The following RPH3A variants were observed in gnomAD, a reference collection of about 807,000 sequenced individuals.
RPH3A encodes rabphilin 3A.
In RPH3A, 48 loss-of-function variants were observed where a neutral mutation model predicts 102.2. The observed-to-expected ratio is 0.47, with a 90% confidence interval of 0.37 to 0.60. The LOEUF (loss-of-function observed/expected upper bound fraction) is 0.60, where lower values mean the gene tolerates loss of function less well. RPH3A is among the 20% of genes least tolerant of loss of function. RPH3A has a pLI of 0.00. For missense variants in RPH3A, 781 were observed against 910.1 expected (o/e 0.86, Z 1.83); for synonymous variants, 310 against 324.3 (o/e 0.96, Z 0.47).
chr12:112,780,327 T>A (rs1240790345), intron 1 of RPH3A, among the ~76,000 whole-genome samples: 1 of 152,126 alleles, frequency 6.6e-6, no homozygotes. Flanking sequence ...CCATGGGTAA[T>A]TTTTCAATCC....
intron 1 of RPH3A, among the ~76,000 whole-genome samples, chr12:112,692,075 A>G (rs1468749011): frequency 2.0e-5 from 3 of 152,264 alleles, no homozygotes; most frequent in Admixed American, 2.0e-4. Flanking sequence ...AGCCAGGAAC[A>G]GAAAGTTAAA....
At chr12:112,890,197 C>T (rs2043070011) in intron 18 of RPH3A, 117 bp downstream of exon 18, 3 of 915,278 alleles carry the variant, frequency 3.3e-6, no homozygotes, top group Non-Finnish European at 5.2e-6. Context: ...AACCACCCCC[C>T]TGTTGATTTG....
rs1449636112 is a variant in RPH3A, at chr12:112,876,635, C to G, written c.947-7C>G. ...GCTGCATGTTTCCTGTCCTTATCTC[C>G]CTGCAGAGGTGGCTCCGAGCGACCC... On this transcript the variant is annotated splice_region_variant and splice_polypyrimidine_tract_variant and intron_variant, in intron 12 of 21. Coordinates refer to ENST00000389385, the MANE Select transcript of RPH3A (RefSeq NM_001143854.2). 6.3e-7 allele frequency: 1 copy of G among 1,591,104 alleles called. No individual in the cohort carries two copies. The highest frequency in any genetic ancestry group is 1.3e-5 in the African/African-American group (1 of 74,268).
chr12:112,715,261 A>G (rs1171263509), intron 1 of RPH3A, among the ~76,000 whole-genome samples: 1 of 152,134 alleles, frequency 6.6e-6, no homozygotes, highest in African/African-American at 2.4e-5. Flanking sequence ...TTAGCTCTCT[A>G]CTGAAATGCC....
intron 2 of RPH3A, among the ~76,000 whole-genome samples, chr12:112,827,900 A>AT (rs1287504151): frequency 1.4e-4 from 10 of 71,934 alleles, no homozygotes; most frequent in African/African-American, 6.1e-4. Context: ...GTATAATAAA[A>AT]AAAAAAGGGA....
At chr12:112,581,305 T>C (rs2039399075) in intron 1 of RPH3A, among the ~76,000 whole-genome samples, 1 of 152,036 alleles carries the variant, frequency 6.6e-6, no homozygotes, top group African/African-American at 2.4e-5. Flanking sequence ...GCGAGGGAAC[T>C]CCCCTTTATA....
At chr12:112,740,726 T>G (rs569552990) in intron 1 of RPH3A, among the ~76,000 whole-genome samples, 3 of 152,356 alleles carry the variant, frequency 2.0e-5, no homozygotes, top group Admixed American at 2.0e-4. Context: ...CTTGCAGACA[T>G]GTAATTAACA....
At chr12:112,876,560 G>A (rs1381188583) in intron 12 of RPH3A, 82 bp from the exon 13 acceptor site, 13 of 996,812 alleles carry the variant, frequency 1.3e-5, no homozygotes, top group South Asian at 3.6e-5. Flanking sequence ...CCAGGAATCC[G>A]CATCTTTTGA....
chr12:112,875,216 C>A, intron 11 of RPH3A, 46 bp downstream of exon 11: 2 of 1,443,724 alleles, frequency 1.4e-6, no homozygotes, highest in Non-Finnish European at 1.9e-6. Context: ...TGTCACTCGG[C>A]TGTGACCCTC....
chr12:112,828,612 G>C (rs1311542328), intron 3 of RPH3A, among the ~76,000 whole-genome samples: 3 of 152,182 alleles, frequency 2.0e-5, no homozygotes, highest in African/African-American at 4.8e-5. Context: ...TAGGTGACCT[G>C]GTAGACTGGA....
chr12:112,664,755 G>A (rs1479015420), intron 1 of RPH3A, among the ~76,000 whole-genome samples: 1 of 152,064 alleles, frequency 6.6e-6, no homozygotes, highest in East Asian at 1.9e-4. Context: ...TCCCCTCTGC[G>A]CAACCTGATT....
intron 1 of RPH3A, among the ~76,000 whole-genome samples, chr12:112,633,942 A>T (rs2039826273): frequency 1.3e-5 from 2 of 152,184 alleles, no homozygotes; most frequent in Non-Finnish European, 2.9e-5. Context: ...TAATTTTCTG[A>T]TCATGAGATG....
chr12:112,587,747 G>A (rs1427490577), intron 1 of RPH3A, among the ~76,000 whole-genome samples: 3 of 152,142 alleles, frequency 2.0e-5, no homozygotes, highest in Non-Finnish European at 4.4e-5. Flanking sequence ...CTTGGTCATT[G>A]CTGAACCTGT....
At chr12:112,729,296 CCTAT>C (rs1019716771) in intron 1 of RPH3A, among the ~76,000 whole-genome samples, 1 of 152,108 alleles carries the variant, frequency 6.6e-6, no homozygotes, top group African/African-American at 2.4e-5. Flanking sequence ...CTGAAATCCT[CCTAT>C]CTCAGTCCCC....
chr12:112,863,939 T>G (rs1035413211), intron 5 of RPH3A, among the ~76,000 whole-genome samples: 3 of 152,204 alleles, frequency 2.0e-5, no homozygotes, highest in African/African-American at 7.2e-5. Context: ...GATCCAGCAC[T>G]GGGCACACAG....
intron 1 of RPH3A, among the ~76,000 whole-genome samples, chr12:112,690,895 T>C (rs1167909513): frequency 6.6e-6 from 1 of 151,908 alleles, no homozygotes; most frequent in Non-Finnish European, 1.5e-5. Context: ...ATGGGGGGGA[T>C]ACTTGAAGGG....
chr12:112,800,505 G>C (rs1033241690), intron 2 of RPH3A, among the ~76,000 whole-genome samples: 1 of 152,132 alleles, frequency 6.6e-6, no homozygotes, highest in Admixed American at 6.5e-5. Flanking sequence ...TGCAGGGAGC[G>C]TTTTATGCTA....
intron 3 of RPH3A, among the ~76,000 whole-genome samples, chr12:112,831,300 T>A (rs559870123): frequency 6.6e-6 from 1 of 152,188 alleles, no homozygotes; most frequent in Non-Finnish European, 1.5e-5. Context: ...AAATTCCATT[T>A]TTCTCCTTAT....
chr12:112,658,995 G>C (rs2040032278), intron 1 of RPH3A, among the ~76,000 whole-genome samples: 2 of 152,216 alleles, frequency 1.3e-5, no homozygotes, highest in Non-Finnish European at 2.9e-5. Context: ...GTAGTAGATA[G>C]ATTATCTTTG....
Sources: allele counts gnomAD v4.1 joint callset (sites outside exome capture counted in the v4.1 genomes callset), GRCh38; gene constraint gnomAD v4.1.1; transcripts MANE v1.5; gene names NCBI Gene and HGNC (gene_info 2026-07-23, HGNC 2026-07-21).